Variants in TRIO observed in about 807,000 individuals in gnomAD.
The protein encoded by TRIO is trio Rho guanine nucleotide exchange factor.
In TRIO, 58 loss-of-function variants were observed where a neutral mutation model predicts 351.9. That is an observed-to-expected ratio of 0.16 (90% CI 0.13 to 0.21). The LOEUF (loss-of-function observed/expected upper bound fraction) is 0.21, where lower values mean the gene tolerates loss of function less well. TRIO is among the 10% of genes least tolerant of loss of function. The pLI, the probability that TRIO is intolerant of heterozygous loss-of-function variation, is 1.00. For synonymous variants in TRIO, 1,758 were observed against 1,595.7 expected (o/e 1.10, Z -2.42); for missense variants, 3,201 against 4,027.8 (o/e 0.79, Z 5.56).
chr5:14,219,397 G>T (rs966504452), intron 1 of TRIO, among the ~76,000 whole-genome samples: 1 of 152,094 alleles, frequency 6.6e-6, no homozygotes, highest in African/African-American at 2.4e-5. Context: ...GAGTCTTTGT[G>T]TCCTATTTCA....
chr5:14,310,464 G>A (rs1285741310), intron 8 of TRIO, among the ~76,000 whole-genome samples: 1 of 152,238 alleles, frequency 6.6e-6, no homozygotes, highest in Non-Finnish European at 1.5e-5. Flanking sequence ...TGCCAACTTA[G>A]TGTGTGCCTC....
chr5:14,378,317 T>TTTGACC (rs1745747659), intron 20 of TRIO, among the ~76,000 whole-genome samples, 190 bp downstream of exon 20: 1 of 152,210 alleles, frequency 6.6e-6, no homozygotes, highest in South Asian at 2.1e-4. Context: ...ACTCAGTGAT[T>TTTGACC]TTGACCCTCA....
intron 1 of TRIO, among the ~76,000 whole-genome samples, chr5:14,192,784 G>C (rs1477759238): frequency 1.3e-5 from 2 of 152,214 alleles, no homozygotes; most frequent in African/African-American, 2.4e-5. Flanking sequence ...CGTAGCCTCA[G>C]AGTTGAATTT....
chr5:14,479,304 C>T lies in TRIO; in HGVS notation c.6197C>T (p.Pro2066Leu). 6.2e-7 allele frequency: 1 copy of T among 1,613,648 alleles called. No individual in the cohort carries two copies. The highest frequency in any genetic ancestry group is 8.5e-7 in the Non-Finnish European group (1 of 1,179,872). ...TACATAGCTTATTGTCAAAATAAAC[C>T]AAAGTCTGAGCACATTGTCTCAGAA... ...HMYIAYCQNKPKSEHIVSEYI... is the reference protein window; with the variant it reads ...HMYIAYCQNKLKSEHIVSEYI... Residue 2066 changes from proline (P) to leucine (L), a missense_variant, in exon 42 of 57, where the codon CCA becomes CTA. By Grantham distance (98) the Pro-to-Leu change is moderately conservative. Transcript: ENST00000344204.
intron 33 of TRIO, among the ~76,000 whole-genome samples, chr5:14,413,083 C>T (rs358088): frequency 0.012 from 1,787 of 152,338 alleles, 15 homozygotes; most frequent in Non-Finnish European, 0.017. Flanking sequence ...GGCTATTGGC[C>T]GGCATTGCTG....
chr5:14,447,605 T>C (rs777610353), intron 34 of TRIO, among the ~76,000 whole-genome samples: 1 of 152,248 alleles, frequency 6.6e-6, no homozygotes, highest in Non-Finnish European at 1.5e-5. Context: ...GTTTCAACTT[T>C]TTAAAAAATC....
Position 14,497,987 on chromosome 5 carries a change from G to C in TRIO, c.8048-102G>C. Reference sequence around the variant, plus strand: ...ATGAGTTTTCCGTGGCGCTCTAGGCGTGCATAGCAGGTTAGGTCCTATCAA... The same window carrying C: ...ATGAGTTTTCCGTGGCGCTCTAGGCCTGCATAGCAGGTTAGGTCCTATCAA... On this transcript the variant is annotated intron_variant, in intron 51 of 56. Coordinates refer to ENST00000344204, the MANE Select transcript of TRIO (RefSeq NM_007118.4). This position sits in a 1 kb window ranked among gnomAD's most constrained non-coding sequence, Gnocchi z 4.4. The C allele has an allele frequency of 6.2e-7, 1 of 1,609,542 alleles. No individual in the cohort carries two copies. The highest frequency in any genetic ancestry group is 8.5e-7 in the Non-Finnish European group (1 of 1,176,124).
At chr5:14,404,639 T>TC (rs1338163651) in intron 31 of TRIO, among the ~76,000 whole-genome samples, 2 of 152,136 alleles carry the variant, frequency 1.3e-5, no homozygotes, top group Admixed American at 6.5e-5. Flanking sequence ...TCCCTTACTT[T>TC]CCCCCCGCTT....
At chr5:14,291,267 G>T in intron 5 of TRIO, 39 bp downstream of exon 5, 1 of 1,589,450 alleles carries the variant, frequency 6.3e-7, no homozygotes, top group South Asian at 1.2e-5. Flanking sequence ...TGGACATGGG[G>T]GAAGCCAGCG....
At chr5:14,147,603 T>G (rs953373802) in intron 1 of TRIO, among the ~76,000 whole-genome samples, 3 of 152,252 alleles carry the variant, frequency 2.0e-5, no homozygotes, top group African/African-American at 7.2e-5. Flanking sequence ...CTTTCATTAT[T>G]AAATCTTACT....
At chr5:14,217,862 G>A (rs1033024932) in intron 1 of TRIO, among the ~76,000 whole-genome samples, 1 of 152,178 alleles carries the variant, frequency 6.6e-6, no homozygotes, top group African/African-American at 2.4e-5. Context: ...TAAGGTTATA[G>A]GAAAGTGTCT....
At chr5:14,403,069 G>C (rs1172332391) in intron 31 of TRIO, among the ~76,000 whole-genome samples, 1 of 148,256 alleles carries the variant, frequency 6.7e-6, no homozygotes, top group African/African-American at 2.5e-5. Flanking sequence ...GAGGGTGCAG[G>C]TTGTGGTGAG....
chr5:14,479,834 G>T (rs1755382457), intron 42 of TRIO, 85 bp from the exon 43 acceptor site: 2 of 1,209,834 alleles, frequency 1.7e-6, no homozygotes, highest in African/African-American at 3.0e-5. Flanking sequence ...TGCCAGTGTT[G>T]TAGTCTTTCT....
intron 1 of TRIO, among the ~76,000 whole-genome samples, chr5:14,244,685 T>C (rs1794329344): frequency 6.6e-6 from 1 of 152,190 alleles, no homozygotes; most frequent in African/African-American, 2.4e-5. Context: ...TATGGGACCA[T>C]GTTTGACTCC....
chr5:14,225,400 T>G (rs1282378779), intron 1 of TRIO, among the ~76,000 whole-genome samples: 4 of 152,230 alleles, frequency 2.6e-5, no homozygotes, highest in Non-Finnish European at 5.9e-5. Context: ...GTCAGGTGTC[T>G]GGGTAGTTGG....
At position 14,259,360 on chromosome 5, in the gene TRIO, GA is replaced by G. The variant is rs1226793139; in HGVS notation, c.158-11463del. ...ACCACTCACCTTTTGTCTGTATGCA[GA>G]AGGTAATTTGAGGGGAAAGGGGTAG... is the stretch of plus-strand genomic sequence containing the variant. On this transcript the variant is annotated intron_variant, in intron 1 of 56. Coordinates refer to ENST00000344204, the MANE Select transcript of TRIO (RefSeq NM_007118.4). Among the ~76,000 whole-genome samples, 4 of 152,358 alleles carry G rather than the reference GA, an allele frequency of 2.6e-5. No homozygotes were observed. In the East Asian group the frequency reaches 7.7e-4, roughly 29 times the overall value.
chr5:14,380,832 A>T (rs551097817), intron 20 of TRIO, among the ~76,000 whole-genome samples: 1 of 152,350 alleles, frequency 6.6e-6, no homozygotes, highest in Non-Finnish European at 1.5e-5. Flanking sequence ...GCCCATCAGC[A>T]ATAGACTGGA....
intron 8 of TRIO, among the ~76,000 whole-genome samples, chr5:14,307,448 T>TAC (rs1738476585): frequency 6.6e-6 from 1 of 152,200 alleles, no homozygotes; most frequent in African/African-American, 2.4e-5. Context: ...ACTTAAAGAG[T>TAC]ACAGGCCTTT....
chr5:14,492,267 G>T (rs905838447), intron 48 of TRIO: 6 of 413,564 alleles, frequency 1.5e-5, no homozygotes, highest in East Asian at 1.4e-4. Flanking sequence ...AGATGTTCCC[G>T]TGAGGGTGCA....
Sources: allele counts gnomAD v4.1 joint callset (sites outside exome capture counted in the v4.1 genomes callset), GRCh38; gene constraint gnomAD v4.1.1; non-coding constraint Gnocchi (gnomAD v3.1); transcripts MANE v1.5; gene names NCBI Gene and HGNC (gene_info 2026-07-23, HGNC 2026-07-21).